CAST: variants seen among roughly 807,000 people sequenced by gnomAD.
The protein encoded by CAST is calpastatin, also known as MIR583 host.
Under a neutral mutation model 119.6 loss-of-function variants are expected in CAST, and 76 were observed. The observed-to-expected ratio is 0.64, with a 90% CI of 0.53 to 0.77. The LOEUF is 0.77. CAST is among the 30% of genes least tolerant of loss of function. CAST has a pLI of 0.00. For missense variants in CAST, 953 were observed against 946.5 expected, an observed-to-expected ratio of 1.01 and a Z score of -0.09; for synonymous variants, 319 against 331.6, an observed-to-expected ratio of 0.96 and a Z score of 0.41.
the CAST span, among the ~76,000 whole-genome samples, chr5:96,438,271 A>G: frequency 6.6e-6 from 1 of 152,114 alleles, no homozygotes; most frequent in Non-Finnish European, 1.5e-5. Flanking sequence ...AGTACACAAA[A>G]CTTGTGTATA....
the CAST span, among the ~76,000 whole-genome samples, chr5:96,348,955 T>C: frequency 6.6e-6 from 1 of 152,088 alleles, no homozygotes; most frequent in African/African-American, 2.4e-5. Context: ...TTTGAGAATG[T>C]AGAAGAATTG....
At chr5:96,531,223 A>C (rs943871359) in intron 1 of CAST, among the ~76,000 whole-genome samples, 3 of 152,206 alleles carry the variant, frequency 2.0e-5, no homozygotes, top group Admixed American at 6.5e-5. Flanking sequence ...GTGACAGAGG[A>C]GGCCACAGCT....
the CAST span, among the ~76,000 whole-genome samples, chr5:96,315,207 T>A: frequency 1.3e-5 from 2 of 152,252 alleles, no homozygotes; most frequent in African/African-American, 4.8e-5. Flanking sequence ...ACTGTGGGAT[T>A]AAACAATTGT....
At position 96,578,311 on chromosome 5, in the gene CAST, G is replaced by A. The variant is rs142051246; in HGVS notation, c.60+48431G>A. Among the ~76,000 whole-genome samples the A allele has an allele frequency of 1.7e-4, 26 of 150,042 alleles. No homozygotes were observed. The East Asian group carries it at 3.9e-3, about 23-fold the overall frequency. ...TTTTTTTTATTTTCAACATACCTAT[G>A]TCACTAAATTTGATGTGAGTTTCTT... is the stretch of plus-strand genomic sequence containing the variant. On this transcript the variant is annotated intron_variant, in intron 1 of 11. Coordinates refer to the CAST transcript ENST00000505143.
At chr5:96,377,518 G>A in the CAST span, among the ~76,000 whole-genome samples, 1 of 152,146 alleles carries the variant, frequency 6.6e-6, no homozygotes, top group Non-Finnish European at 1.5e-5. Flanking sequence ...TACAATTCCC[G>A]ACAGTGTTCA....
chr5:96,445,824 G>A, the CAST span, among the ~76,000 whole-genome samples: 1 of 152,164 alleles, frequency 6.6e-6, no homozygotes, highest in African/African-American at 2.4e-5. Context: ...GGTAATGGAG[G>A]TGAAGTGTTC....
chr5:96,268,359 G>A, the CAST span, among the ~76,000 whole-genome samples: 2 of 152,138 alleles, frequency 1.3e-5, no homozygotes, highest in Non-Finnish European at 2.9e-5. Flanking sequence ...AATTGCCTGA[G>A]GCAAGAAGTT....
the CAST span, among the ~76,000 whole-genome samples, chr5:96,340,205 C>T: frequency 6.6e-6 from 1 of 152,150 alleles, no homozygotes; most frequent in African/African-American, 2.4e-5. Context: ...ATCTAATTTG[C>T]GCTGTTGTCT....
chr5:96,085,739 A>G, the CAST span, among the ~76,000 whole-genome samples: 1 of 152,296 alleles, frequency 6.6e-6, no homozygotes, highest in Non-Finnish European at 1.5e-5. Context: ...AGCAGCTGTC[A>G]CTCATGGGCT....
rs1765909899 is a variant in CAST, at chr5:96,754,733, G to T, written c.1702G>T (p.Glu568Ter). 2 of 1,583,366 alleles carry T rather than the reference G, an allele frequency of 1.3e-6. No homozygotes were observed. The highest frequency in any genetic ancestry group is 1.3e-5 in the African/African-American group (1 of 74,430). The change falls in exon 22 of 32, where the codon GAG becomes TAG. Residue 568 changes from glutamate to a stop codon, truncating the protein, a stop_gained. Transcript: ENST00000675179. LOFTEE classifies it high-confidence loss of function. ...ETIPPDYRLE[E>*]VKDKDGKPLL... is the part of the protein sequence containing the mutation. ...AATTCCTCCTGATTATAGATTAGAAGAGGTCAAGGTAAACAGGCTGGAGTC... is the reference window on the plus strand; with the variant it reads ...AATTCCTCCTGATTATAGATTAGAATAGGTCAAGGTAAACAGGCTGGAGTC...
intron 1 of CAST, among the ~76,000 whole-genome samples, chr5:96,568,121 G>A (rs1273956763): frequency 2.6e-5 from 4 of 152,058 alleles, no homozygotes; most frequent in African/African-American, 7.3e-5. Flanking sequence ...AGATCCTTTC[G>A]CATTTTTAGG....
the CAST span, among the ~76,000 whole-genome samples, chr5:96,096,024 C>T: frequency 6.6e-6 from 1 of 152,064 alleles, no homozygotes; most frequent in Non-Finnish European, 1.5e-5. Flanking sequence ...AAGAAGATAC[C>T]AGAATGGGTT....
the CAST span, among the ~76,000 whole-genome samples, chr5:95,965,595 G>GA: frequency 1.3e-5 from 2 of 152,234 alleles, no homozygotes; most frequent in African/African-American, 4.8e-5. Flanking sequence ...TTTCCAGAGA[G>GA]AAAATCTTTC....
At chr5:96,668,281 T>C (rs553929445) in intron 1 of CAST, among the ~76,000 whole-genome samples, 2 of 152,328 alleles carry the variant, frequency 1.3e-5, no homozygotes, top group African/African-American at 4.8e-5. Context: ...ATGTAGTTTA[T>C]CTCCTTGAGT....
the CAST span, chr5:96,210,254 T>C: frequency 6.6e-6 from 1 of 152,020 alleles, no homozygotes; most frequent in Non-Finnish European, 1.5e-5. Flanking sequence ...TGCCTACAAC[T>C]CAATCCCAAA....
At chr5:96,558,288 TA>T (rs1321676444) in intron 1 of CAST, among the ~76,000 whole-genome samples, 2 of 151,810 alleles carry the variant, frequency 1.3e-5, no homozygotes, top group Non-Finnish European at 2.9e-5. Context: ...ACATCACAAT[TA>T]AAAGAACTAG....
At chr5:96,593,316 C>T (rs1392216281) in intron 1 of CAST, among the ~76,000 whole-genome samples, 1 of 152,200 alleles carries the variant, frequency 6.6e-6, no homozygotes, top group African/African-American at 2.4e-5. Context: ...TTCTCTCCAT[C>T]TTGTGACGTG....
the CAST span, among the ~76,000 whole-genome samples, chr5:96,394,481 T>C: frequency 1.3e-5 from 2 of 152,218 alleles, no homozygotes; most frequent in African/African-American, 4.8e-5. Flanking sequence ...ATGTCTATCC[T>C]TCCTAGGTTA....
the CAST span, among the ~76,000 whole-genome samples, chr5:96,257,761 T>A: frequency 6.6e-6 from 1 of 152,248 alleles, no homozygotes. Flanking sequence ...TTTGGTCAGT[T>A]CTTTGTTCAT....
Sources: gnomAD v4.1 joint callset for allele counts (sites outside exome capture counted in the v4.1 genomes callset) on GRCh38, gnomAD v4.1.1 for gene constraint, MANE v1.5 for transcripts, NCBI Gene and HGNC (gene_info 2026-07-23, HGNC 2026-07-21) for gene names.